The following NMNAT2 variants were observed in gnomAD, a reference collection of about 807,000 sequenced individuals.
NMNAT2 encodes the protein nicotinamide nucleotide adenylyltransferase 2.
NMNAT2 carries 11 observed loss-of-function variants against 41.6 expected under a neutral mutation model. The ratio of observed to expected loss-of-function variants is 0.26; its 90% CI spans 0.17 to 0.44. The LOEUF is 0.44. Among genes scored for constraint, NMNAT2 ranks in the 20% least tolerant of loss-of-function variants. NMNAT2 has a pLI of 1.00. For synonymous variants in NMNAT2, 148 were observed against 151.2 expected (o/e 0.98, Z 0.16); for missense variants, 288 against 407.7 (o/e 0.71, Z 2.53).
chr1:183,393,152 T>C (rs1347410802), intron 1 of NMNAT2, among the ~76,000 whole-genome samples: 1 of 152,216 alleles, frequency 6.6e-6, no homozygotes, highest in Non-Finnish European at 1.5e-5. Context: ...GATAAATTCC[T>C]TCTCAGACTA....
At chr1:183,378,004 C>G (rs574921914) in intron 1 of NMNAT2, among the ~76,000 whole-genome samples, 51 of 152,248 alleles carry the variant, frequency 3.3e-4, no homozygotes, top group Non-Finnish European at 6.0e-4. Flanking sequence ...CTTAACATAG[C>G]TGATGGAAGA....
At chr1:183,405,152 C>G (rs1648920239) in intron 1 of NMNAT2, among the ~76,000 whole-genome samples, 1 of 152,022 alleles carries the variant, frequency 6.6e-6, no homozygotes, top group Non-Finnish European at 1.5e-5. Flanking sequence ...CCCAGGAGGT[C>G]AAGGCTGCAG....
At chr1:183,376,548 T>C (rs972240477) in intron 1 of NMNAT2, among the ~76,000 whole-genome samples, 11 of 152,334 alleles carry the variant, frequency 7.2e-5, no homozygotes, top group African/African-American at 2.6e-4. Flanking sequence ...GGGTGGGTGT[T>C]TCCTTTCATA....
intron 1 of NMNAT2, among the ~76,000 whole-genome samples, chr1:183,297,412 C>T (rs1289390742): frequency 1.4e-5 from 2 of 145,868 alleles, no homozygotes; most frequent in African/African-American, 5.1e-5. Context: ...GACGGAGTTT[C>T]GCTCTTGTTG....
chr1:183,417,117 G>T (rs930755983), intron 1 of NMNAT2, among the ~76,000 whole-genome samples: 1 of 152,102 alleles, frequency 6.6e-6, no homozygotes, highest in South Asian at 2.1e-4. Flanking sequence ...CCCTCTTTCC[G>T]TGTCTAAACG....
intron 8 of NMNAT2, among the ~76,000 whole-genome samples, chr1:183,268,660 T>A (rs1558110885): frequency 6.6e-6 from 1 of 152,194 alleles, no homozygotes; most frequent in Non-Finnish European, 1.5e-5. Context: ...ACTGTTCTGG[T>A]ATTGGCAAAT....
chr1:183,355,751 C>A (rs1663171385), intron 1 of NMNAT2, among the ~76,000 whole-genome samples: 2 of 152,210 alleles, frequency 1.3e-5, no homozygotes, highest in South Asian at 4.1e-4. Context: ...AGGCCTCCAG[C>A]CCGGATTGTG....
At chr1:183,365,279 A>G (rs1411320073) in intron 1 of NMNAT2, among the ~76,000 whole-genome samples, 1 of 152,088 alleles carries the variant, frequency 6.6e-6, no homozygotes, top group African/African-American at 2.4e-5. Context: ...GGAGAACCAC[A>G]GAACGGTGGC....
rs1661355329 is a variant in NMNAT2 at position 183,284,695 on chromosome 1, T to C, written c.529+15A>G. On this transcript the variant is annotated intron_variant, in intron 6 of 10. Coordinates refer to ENST00000287713, the MANE Select transcript of NMNAT2 (RefSeq NM_015039.4). ...AAAGAGACAGGACTGGGAATCAAGT[T>C]CCTTGGTTCCTCACCTACAAAGGTG... 6.2e-7 allele frequency: 1 copy of C among 1,602,536 alleles called. No individual in the cohort carries two copies. The highest frequency in any genetic ancestry group is 8.6e-7 in the Non-Finnish European group (1 of 1,169,360).
chr1:183,321,806 TTTTTGTTTTG>T (rs910234824), intron 1 of NMNAT2, among the ~76,000 whole-genome samples: 1 of 151,394 alleles, frequency 6.6e-6, no homozygotes, highest in Non-Finnish European at 1.5e-5. Context: ...AGATTTTTGG[TTTTTGTTTTG>T]TTTTGTTTTG....
chr1:183,288,615 G>A (rs1201999988), intron 4 of NMNAT2, among the ~76,000 whole-genome samples: 1 of 152,230 alleles, frequency 6.6e-6, no homozygotes, highest in Non-Finnish European at 1.5e-5. Flanking sequence ...CAGCACTGAG[G>A]AATGCCTGCA....
intron 1 of NMNAT2, among the ~76,000 whole-genome samples, chr1:183,318,242 C>A (rs952357169): frequency 6.6e-6 from 1 of 152,228 alleles, no homozygotes. Context: ...GATCCTAAGA[C>A]CTCCTCTCAC....
intron 8 of NMNAT2, among the ~76,000 whole-genome samples, chr1:183,274,506 T>G (rs1661074711): frequency 6.6e-6 from 1 of 151,494 alleles, no homozygotes; most frequent in South Asian, 2.1e-4. Flanking sequence ...AGAGATGGGG[T>G]TTCACCATGT....
intron 5 of NMNAT2, 53 bp from the exon 6 acceptor site, chr1:183,284,843 A>G (rs960620881): frequency 6.8e-7 from 1 of 1,469,850 alleles, no homozygotes; most frequent in Non-Finnish European, 9.5e-7. Context: ...ACAACTCACA[A>G]CTGGCACTCA....
At chr1:183,411,092 A>G (rs1337701221) in intron 1 of NMNAT2, among the ~76,000 whole-genome samples, 1 of 152,072 alleles carries the variant, frequency 6.6e-6, no homozygotes, top group Admixed American at 6.6e-5. Flanking sequence ...CACCTGCTCT[A>G]ATGGCCCATC....
At chr1:183,254,378 A>G (rs1481607205) in intron 10 of NMNAT2, among the ~76,000 whole-genome samples, 1 of 152,082 alleles carries the variant, frequency 6.6e-6, no homozygotes, top group Non-Finnish European at 1.5e-5. Context: ...AGCAATTTTT[A>G]TGTCATCTCT....
intron 1 of NMNAT2, among the ~76,000 whole-genome samples, chr1:183,360,588 C>G (rs553236532): frequency 1.1e-3 from 171 of 152,312 alleles, no homozygotes; most frequent in African/African-American, 3.9e-3. Flanking sequence ...CTGAGAGTTT[C>G]TCTGTGCAGA....
At chr1:183,324,132 T>C (rs1338371) in intron 1 of NMNAT2, among the ~76,000 whole-genome samples, 108,373 of 152,004 alleles carry the variant, frequency 0.71, 38,760 homozygotes, top group East Asian at 0.89. Context: ...GATTCCTCAG[T>C]TCCACTAGAG....
intron 10 of NMNAT2, among the ~76,000 whole-genome samples, chr1:183,256,439 A>T (rs28841678): frequency 3.9e-5 from 6 of 152,178 alleles, no homozygotes; most frequent in Admixed American, 6.5e-5. Flanking sequence ...TAAAAAATTT[A>T]AAAAATGGCC....
Sources: gnomAD v4.1 joint callset for allele counts (sites outside exome capture counted in the v4.1 genomes callset) on GRCh38, gnomAD v4.1.1 for gene constraint, MANE v1.5 for transcripts, NCBI Gene and HGNC (gene_info 2026-07-23, HGNC 2026-07-21) for gene names.